Variants in ARRB1 observed in about 807,000 individuals in gnomAD.
The protein encoded by ARRB1 is beta-arrestin-1.
A neutral mutation model predicts 56.8 loss-of-function variants in ARRB1; 21 were observed. The ratio of observed to expected loss-of-function variants is 0.37; its 90% CI spans 0.26 to 0.53. The LOEUF is 0.53. Ranked by LOEUF, ARRB1 falls within the 20% of genes least tolerant of loss-of-function variation. The pLI, the probability that ARRB1 is intolerant of heterozygous loss-of-function variation, is 0.88. For synonymous variants in ARRB1, 210 were observed against 218.6 expected (o/e 0.96, Z 0.35); for missense variants, 424 against 553.7 (o/e 0.77, Z 2.35).
intron 6 of ARRB1, among the ~76,000 whole-genome samples, chr11:75,281,366 G>A (rs1250355662): frequency 6.6e-6 from 1 of 152,098 alleles, no homozygotes; most frequent in African/African-American, 2.4e-5. Flanking sequence ...CCACCCAAAC[G>A]GGGCTCTGCT....
In ARRB1 at chr11:75,261,797, C is replaced by T. The variant is rs536380313; in HGVS notation, c.*4366G>A. On this transcript the variant is annotated 3_prime_UTR_variant, in exon 16 of 16. Coordinates refer to ENST00000420843, the MANE Select transcript of ARRB1 (RefSeq NM_004041.5). The stretch of plus-strand genomic sequence containing the variant: ...CTGGGCCAGGAGGAAACACCAAGCC[C>T]AGTGCAGGCCGTATAGATGAGGGTT... 9 of 152,350 alleles carry T rather than the reference C, an allele frequency of 5.9e-5. No individual in the cohort carries two copies. The highest frequency in any genetic ancestry group is 1.9e-4 in the African/African-American group (8 of 41,560). 9.4% of individuals were successfully genotyped at this position (152,350 alleles called of 1,614,324 possible). A position where few individuals can be genotyped will look rare whatever the true frequency, so the allele number is the denominator to read the frequency against.
chr11:75,318,234 G>A (rs981290727), intron 1 of ARRB1, among the ~76,000 whole-genome samples: 1 of 139,866 alleles, frequency 7.1e-6, no homozygotes, highest in Non-Finnish European at 1.5e-5. Flanking sequence ...CACAATCATA[G>A]CTCACTGCAG....
chr11:75,310,719 A>G (rs1275531860), intron 1 of ARRB1, among the ~76,000 whole-genome samples: 1 of 152,168 alleles, frequency 6.6e-6, no homozygotes, highest in Non-Finnish European at 1.5e-5. Context: ...GGCAGTGGGC[A>G]TGGGCATTCA....
chr11:75,287,354 G>T lies in ARRB1; in HGVS notation c.73C>A (p.Arg25=). The T allele has an allele frequency of 6.4e-7, 1 of 1,561,010 alleles. No homozygotes were observed. Among genetic ancestry groups the T allele is most frequent in the Non-Finnish European group, 8.7e-7 (1 of 1,152,002 alleles). ...AGGTCGATGTGGTCCACAAAGTCCC[G>T]CTTTCCCAGGTAGACGGTGAGCTGA... ...NGKLTVYLGK[R]DFVDHIDLVD... The change falls in exon 3 of 16, where the codon CGG becomes AGG. Residue 25 remains arginine, a synonymous_variant. Coordinates refer to ENST00000420843, the MANE Select transcript of ARRB1 (RefSeq NM_004041.5).
intron 1 of ARRB1, among the ~76,000 whole-genome samples, chr11:75,338,579 C>A (rs994672998): frequency 6.6e-6 from 1 of 152,114 alleles, no homozygotes; most frequent in Non-Finnish European, 1.5e-5. Context: ...AGTGTGGGGC[C>A]AGGTCATGGT....
chr11:75,337,920 C>T (rs1217784695), intron 1 of ARRB1, among the ~76,000 whole-genome samples: 1 of 150,892 alleles, frequency 6.6e-6, no homozygotes, highest in Non-Finnish European at 1.5e-5. Flanking sequence ...GTGTGAGCCA[C>T]CGCACCCAGG....
At chr11:75,281,254 C>A in intron 6 of ARRB1, 112 bp from the exon 7 acceptor site, 2 of 1,015,760 alleles carry the variant, frequency 2.0e-6, no homozygotes, top group Non-Finnish European at 3.0e-6. Context: ...ACACCAAGCT[C>A]CCACAGCCCA....
At chr11:75,336,853 T>C (rs1160460812) in intron 1 of ARRB1, among the ~76,000 whole-genome samples, 1 of 152,164 alleles carries the variant, frequency 6.6e-6, no homozygotes, top group Non-Finnish European at 1.5e-5. Flanking sequence ...CTCCGTGGTA[T>C]GCATAAGAAA....
chr11:75,341,944 C>T (rs746484590), intron 1 of ARRB1, among the ~76,000 whole-genome samples: 9 of 152,198 alleles, frequency 5.9e-5, no homozygotes, highest in Non-Finnish European at 1.3e-4. Context: ...CAAGCTGTCC[C>T]GCCAGAATCA....
At chr11:75,278,129 G>A (rs1946241574) in intron 8 of ARRB1, among the ~76,000 whole-genome samples, 1 of 152,242 alleles carries the variant, frequency 6.6e-6, no homozygotes, top group Non-Finnish European at 1.5e-5. Flanking sequence ...GAGAGGGGGT[G>A]CCCACACCTT....
At chr11:75,303,541 C>A in intron 1 of ARRB1, 1 of 455,564 alleles carries the variant, frequency 2.2e-6, no homozygotes, top group Non-Finnish European at 4.4e-6. Flanking sequence ...TTTCTTATTT[C>A]CCTCCTTTCT....
intron 1 of ARRB1, among the ~76,000 whole-genome samples, chr11:75,332,374 T>TTTTTCTTCGAGGCCCTCCCA (rs1947535682): frequency 6.6e-6 from 1 of 152,200 alleles, no homozygotes; most frequent in Non-Finnish European, 1.5e-5. Context: ...TAGCTAGATC[T>TTTTTCTTCGAGGCCCTCCCA]TTTTCTTCGA....
Position 75,262,706 on chromosome 11 carries a change from G to C in ARRB1, c.*3457C>G, listed in dbSNP as rs1038753805. On this transcript the variant is annotated 3_prime_UTR_variant, in exon 16 of 16. Transcript: ENST00000420843. ...CCCATTTTACAGTTAGGGAAATTGAGCCCCAGAGGTTGAGTAGCTTGCCCA... is the reference window on the plus strand; with the variant it reads ...CCCATTTTACAGTTAGGGAAATTGACCCCCAGAGGTTGAGTAGCTTGCCCA... 2.0e-5 allele frequency among the ~76,000 whole-genome samples: 3 copies of C among 152,214 alleles called. No homozygotes were observed. Among genetic ancestry groups the C allele is most frequent in the African/African-American group, 7.2e-5 (3 of 41,458 alleles).
Position 75,276,896 on chromosome 11 carries a change from T to G in ARRB1, c.719A>C (p.Asp240Ala). 6.2e-7 allele frequency: 1 copy of G among 1,614,198 alleles called. No individual in the cohort carries two copies. The highest frequency in any genetic ancestry group is 8.5e-7 in the Non-Finnish European group (1 of 1,180,010). The change falls in exon 10 of 16, where the codon GAC becomes GCC. Residue 240 changes from aspartate (D) to alanine (A), a missense_variant. Around this residue, in one of 3 missense-constraint regions of ARRB1, gnomAD observed 301 missense variants for 387.9 expected, o/e 0.78. Coordinates refer to ENST00000420843, the MANE Select transcript of ARRB1 (RefSeq NM_004041.5). Reference protein sequence around the residue: ...KIKISVRQYADICLFNTAQYK... With the variant: ...KIKISVRQYAAICLFNTAQYK... Reference sequence around the variant, plus strand: ...CTGAGCTGTGTTGAAAAGGCAGATGTCTGCATACTGGCGCACTAGGGAGGG... The same window carrying G: ...CTGAGCTGTGTTGAAAAGGCAGATGGCTGCATACTGGCGCACTAGGGAGGG...
chr11:75,339,133 G>T (rs190957563), intron 1 of ARRB1, among the ~76,000 whole-genome samples: 12 of 152,336 alleles, frequency 7.9e-5, no homozygotes, highest in African/African-American at 2.9e-4. Context: ...CAGCCCCAAA[G>T]CCTGGAGCTG....
At chr11:75,318,304 C>T (rs547297360) in intron 1 of ARRB1, among the ~76,000 whole-genome samples, 155 of 152,218 alleles carry the variant, frequency 1.0e-3, no homozygotes, top group Non-Finnish European at 1.3e-3. Flanking sequence ...ACTGAGACTA[C>T]AGGAACATGC....
chr11:75,289,035 C>T (rs897811203), intron 2 of ARRB1, among the ~76,000 whole-genome samples: 16 of 152,126 alleles, frequency 1.1e-4, no homozygotes, highest in Non-Finnish European at 1.5e-4. Flanking sequence ...GGAGCTGTCT[C>T]GGACTCTGGG....
In ARRB1 at chr11:75,283,375, G is replaced by A. The variant is rs781471077; in HGVS notation, c.266C>T (p.Pro89Leu). ...CAGGGGCTTCTTGTCCTCGGGGGCC[G>A]GTGGGAACGACTGTACGTTGGCCAC... ...LFVANVQSFP[P>L]APEDKKPLTR... Residue 89 changes from proline to leucine, a missense_variant, in exon 5 of 16, where the codon CCG (proline) becomes CTG (leucine). By Grantham distance (98) the Pro-to-Leu change is moderately conservative (BLOSUM62 -3). Transcript: ENST00000420843. 1.1e-5 allele frequency: 18 copies of A among 1,614,168 alleles called. No individual in the cohort carries two copies. The highest frequency in any genetic ancestry group is 2.2e-5 in the South Asian group (2 of 91,088).
In ARRB1 at chr11:75,262,996, G is replaced by C. The variant is rs1945831845; in HGVS notation, c.*3167C>G. On this transcript the variant is annotated 3_prime_UTR_variant, in exon 16 of 16. Transcript: ENST00000420843. ...AGGTCCCGCTGGCTCTCTGCTCGGT[G>C]GGTTTTCACCGGGGCATGCTTTTCC... 6.6e-6 allele frequency among the ~76,000 whole-genome samples: 1 copy of C among 152,228 alleles called. No individual in the cohort carries two copies. Among genetic ancestry groups the C allele is most frequent in the African/African-American group, 2.4e-5 (1 of 41,464 alleles).
Sources: allele counts gnomAD v4.1 joint callset (sites outside exome capture counted in the v4.1 genomes callset), GRCh38; gene constraint gnomAD v4.1.1; regional missense constraint gnomAD v4.1.1; transcripts MANE v1.5; gene names NCBI Gene and HGNC (gene_info 2026-07-23, HGNC 2026-07-21).